Variants in TBX15 observed in about 807,000 individuals in gnomAD.
The protein encoded by TBX15 is T-box transcription factor 15.
Under a neutral mutation model 53.9 loss-of-function variants are expected in TBX15, and 18 were observed. That is an observed-to-expected ratio of 0.33 (90% confidence interval 0.23 to 0.49). The LOEUF (loss-of-function observed/expected upper bound fraction) is 0.49, where lower values mean the gene tolerates loss of function less well. TBX15 is among the 20% of genes least tolerant of loss of function. The pLI, the probability that TBX15 is intolerant of heterozygous loss-of-function variation, is 0.98. For synonymous variants in TBX15, 295 were observed against 278.0 expected (o/e 1.06, Z -0.61); for missense variants, 692 against 749.5 (o/e 0.92, Z 0.90).
At chr1:118,923,403 T>G (rs1430723491) in intron 5 of TBX15, 33 bp downstream of exon 5, 2 of 1,613,188 alleles carry the variant, frequency 1.2e-6, no homozygotes, top group Non-Finnish European at 1.7e-6. Flanking sequence ...AAAAAACAGA[T>G]GTAGCAGAAG....
At chr1:118,947,336 A>G (rs1011651354) in intron 1 of TBX15, among the ~76,000 whole-genome samples, 2 of 152,254 alleles carry the variant, frequency 1.3e-5, no homozygotes, top group Non-Finnish European at 2.9e-5. Context: ...CTCTGCTGTC[A>G]TTAAAGTGAA....
chr1:118,948,878 T>A (rs1014056927), intron 1 of TBX15, among the ~76,000 whole-genome samples: 1 of 152,184 alleles, frequency 6.6e-6, no homozygotes, highest in African/African-American at 2.4e-5. Flanking sequence ...GCTAACTTGG[T>A]CCTTAGAAGA....
At chr1:118,925,908 C>CTT (rs5777376) in intron 3 of TBX15, among the ~76,000 whole-genome samples, 3 of 150,628 alleles carry the variant, frequency 2.0e-5, no homozygotes, top group African/African-American at 7.3e-5. Flanking sequence ...TAAGCCACAA[C>CTT]TTTTTTTTTT....
chr1:118,944,698 A>C (rs927834610), intron 1 of TBX15, among the ~76,000 whole-genome samples: 2 of 152,094 alleles, frequency 1.3e-5, no homozygotes, highest in Non-Finnish European at 2.9e-5. Context: ...GTCCCTGCCT[A>C]GGAAGACTTT....
rs376287416 is a variant in TBX15, at chr1:118,978,876, G to A, written c.205+8715C>T. Among the ~76,000 whole-genome samples the A allele has an allele frequency of 5.9e-5, 9 of 152,260 alleles. No homozygotes were observed. The South Asian group carries it at 1.9e-3, about 32-fold the overall frequency. On this transcript the variant is annotated intron_variant, in intron 1 of 7. Coordinates refer to ENST00000369429, the MANE Select transcript of TBX15 (RefSeq NM_001330677.2). ...ATTATTAATTAACCTTCTAAATTGA[G>A]AAAACATTTCTGAACCCAGGGAAGG...
At chr1:118,943,730 G>A (rs899770440) in intron 1 of TBX15, among the ~76,000 whole-genome samples, 6 of 152,130 alleles carry the variant, frequency 3.9e-5, no homozygotes, top group African/African-American at 1.4e-4. Flanking sequence ...ACTCCAGATG[G>A]ATAGCCTTGT....
Position 118,917,174 on chromosome 1 carries a change from C to T in TBX15, c.862-2995G>A, listed in dbSNP as rs984433591. 2.6e-5 allele frequency among the ~76,000 whole-genome samples: 4 copies of T among 152,082 alleles called. 1 individual carries two copies. The highest frequency in any genetic ancestry group is 4.1e-4 in the South Asian group (2 of 4,824). Reference sequence around the variant, plus strand: ...CAAAGACGTGGAATCAACCAAAATGCCCATCAATAATAGACTGGATAAAGA... The same window carrying T: ...CAAAGACGTGGAATCAACCAAAATGTCCATCAATAATAGACTGGATAAAGA... On this transcript the variant is annotated intron_variant, in intron 5 of 7. Transcript: ENST00000369429.
chr1:118,954,836 G>T (rs1460457726), intron 1 of TBX15, among the ~76,000 whole-genome samples: 1 of 152,166 alleles, frequency 6.6e-6, no homozygotes, highest in Non-Finnish European at 1.5e-5. Flanking sequence ...AGGCATCTCA[G>T]CTGGAAGCAC....
chr1:118,906,298 C>T lies in TBX15; in HGVS notation c.927-7173G>A, dbSNP rs913817556. Among the ~76,000 whole-genome samples, 3 of 152,196 alleles carry T rather than the reference C, an allele frequency of 2.0e-5. 1 individual carries two copies. In the South Asian group the frequency reaches 6.2e-4, roughly 32 times the overall value. On this transcript the variant is annotated intron_variant, in intron 6 of 7. Transcript: ENST00000369429. ...TGAGTTACTTGGTTATAATAGAGAG[C>T]TCTATTAGCAAATTTTAACGGAGAT...
intron 1 of TBX15, among the ~76,000 whole-genome samples, chr1:118,952,721 G>A (rs976869706): frequency 6.6e-6 from 1 of 152,176 alleles, no homozygotes; most frequent in Non-Finnish European, 1.5e-5. Context: ...AGCCATAGTA[G>A]TTTTGACCAA....
intron 6 of TBX15, among the ~76,000 whole-genome samples, chr1:118,913,391 C>G (rs1162954361): frequency 6.6e-6 from 1 of 152,166 alleles, no homozygotes; most frequent in Non-Finnish European, 1.5e-5. Flanking sequence ...TTTTGATTCT[C>G]TCCTAACTTT....
At chr1:118,982,982 G>A (rs1307412763) in intron 1 of TBX15, among the ~76,000 whole-genome samples, 1 of 152,224 alleles carries the variant, frequency 6.6e-6, no homozygotes, top group Non-Finnish European at 1.5e-5. Flanking sequence ...TAGACTGTGT[G>A]TGAAGTTGCC....
intron 6 of TBX15, among the ~76,000 whole-genome samples, chr1:118,905,339 C>T (rs1396277003): frequency 6.6e-6 from 1 of 152,158 alleles, no homozygotes; most frequent in African/African-American, 2.4e-5. Context: ...GACACCATCC[C>T]TGGGCAAAAG....
At chr1:118,933,324 A>C (rs1235922942) in intron 1 of TBX15, among the ~76,000 whole-genome samples, 1 of 152,134 alleles carries the variant, frequency 6.6e-6, no homozygotes, top group African/African-American at 2.4e-5. Context: ...ACTTGTGAAG[A>C]TATTCAGGTT....
rs1274851351 is a variant in TBX15 at position 118,919,851 on chromosome 1, CTT to C, written c.861+3583_861+3584del. On this transcript the variant is annotated intron_variant, in intron 5 of 7. Coordinates refer to ENST00000369429, the MANE Select transcript of TBX15 (RefSeq NM_001330677.2). ...GACAGTTAACATCTATCTACTCTCT[CTT>C]GTCTCATAATTTCATAAAATAAGTG... 7.9e-5 allele frequency among the ~76,000 whole-genome samples: 12 copies of C among 152,274 alleles called. No homozygotes were observed. The East Asian group carries it at 2.1e-3, about 27-fold the overall frequency.
chr1:118,890,820 G>A, intron 7 of TBX15: 1 of 1,217,050 alleles, frequency 8.2e-7, no homozygotes, highest in Non-Finnish European at 1.1e-6. Context: ...AAACAGTAAG[G>A]CAAAACCCCA....
chr1:118,900,005 T>C (rs1296391413), intron 6 of TBX15, among the ~76,000 whole-genome samples: 1 of 152,208 alleles, frequency 6.6e-6, no homozygotes, highest in Non-Finnish European at 1.5e-5. Context: ...CACATGATTA[T>C]TGAGATTATC....
At chr1:118,891,105 C>T (rs1251681970) in intron 7 of TBX15, 2 of 252,276 alleles carry the variant, frequency 7.9e-6, no homozygotes, top group South Asian at 5.6e-5. Context: ...GTACCATCCT[C>T]ATAATGCAAA....
intron 1 of TBX15, 34 bp downstream of exon 1, chr1:118,987,557 G>C: frequency 6.5e-7 from 1 of 1,533,814 alleles, no homozygotes; most frequent in Non-Finnish European, 8.8e-7. Flanking sequence ...TCCCCTCTCC[G>C]CCCGCCTCCC....
Sources: gnomAD v4.1 joint callset for allele counts (sites outside exome capture counted in the v4.1 genomes callset) on GRCh38, gnomAD v4.1.1 for gene constraint, MANE v1.5 for transcripts, NCBI Gene and HGNC (gene_info 2026-07-23, HGNC 2026-07-21) for gene names.